Variants in PTCHD4 observed in about 807,000 individuals in gnomAD.
PTCHD4 encodes the protein patched domain-containing protein 4.
In PTCHD4, 33 loss-of-function variants were observed where a neutral mutation model predicts 58.1. That is an observed-to-expected ratio of 0.57 (90% confidence interval 0.43 to 0.76). PTCHD4 has a LOEUF of 0.76. Ranked by LOEUF, PTCHD4 falls within the 30% of genes least tolerant of loss-of-function variation. The pLI, the probability that PTCHD4 is intolerant of heterozygous loss-of-function variation, is 0.00. For missense variants in PTCHD4, 1,058 were observed against 1,027.1 expected (o/e 1.03, Z -0.41); for synonymous variants, 478 against 409.6 (o/e 1.17, Z -2.02).
At chr6:47,880,385 T>TGCTG (rs1270380074) in intron 4 of PTCHD4, among the ~76,000 whole-genome samples, 4 of 152,158 alleles carry the variant, frequency 2.6e-5, no homozygotes, top group African/African-American at 9.7e-5. Flanking sequence ...CTGATTTATA[T>TGCTG]GCTGATTTAG....
chr6:48,044,601 G>A (rs1763968202), intron 3 of PTCHD4, among the ~76,000 whole-genome samples: 1 of 151,898 alleles, frequency 6.6e-6, no homozygotes, highest in Admixed American at 6.6e-5. Context: ...GCCCTTGCCA[G>A]TTTTTCTTTT....
chr6:47,881,832 T>C (rs986681826), intron 4 of PTCHD4, among the ~76,000 whole-genome samples: 2 of 152,148 alleles, frequency 1.3e-5, no homozygotes, highest in Non-Finnish European at 2.9e-5. Flanking sequence ...GTAAAGCCTA[T>C]TTATTCTTCA....
chr6:48,002,523 A>G (rs1397631319), intron 4 of PTCHD4, among the ~76,000 whole-genome samples: 2 of 149,856 alleles, frequency 1.3e-5, no homozygotes, highest in African/African-American at 2.5e-5. Context: ...AAAACCATAC[A>G]CCGCATGTTC....
In PTCHD4 at chr6:47,928,942, C is replaced by T. The variant is rs186681161; in HGVS notation, c.899-49006G>A. Among the ~76,000 whole-genome samples, 18 of 152,274 alleles carry T rather than the reference C, an allele frequency of 1.2e-4. No homozygotes were observed. In the East Asian group the frequency reaches 3.3e-3, roughly 28 times the overall value. On this transcript the variant is annotated intron_variant, in intron 4 of 4. Transcript: ENST00000339488. Reference sequence around the variant, plus strand: ...ATTATAAGCAATCATGGATTTTCCACATTAGAGTGGAAATTTCTAATCTAA... The same window carrying T: ...ATTATAAGCAATCATGGATTTTCCATATTAGAGTGGAAATTTCTAATCTAA...
intron 4 of PTCHD4, among the ~76,000 whole-genome samples, chr6:47,952,533 G>T (rs1007445143): frequency 2.6e-5 from 4 of 152,074 alleles, no homozygotes; most frequent in Non-Finnish European, 5.9e-5. Context: ...ATACAATCAT[G>T]TGCTGCATAA....
Position 47,875,031 on chromosome 6 carries a change from C to T in PTCHD4, c.*3272G>A, listed in dbSNP as rs998078280. On this transcript the variant is annotated 3_prime_UTR_variant, in exon 5 of 5. Coordinates refer to ENST00000339488, the MANE Select transcript of PTCHD4 (RefSeq NM_001384253.1). ...GCACTTTCCAATTCAAATTTAAATTCTGATGGAAGGAAATAAATCCACATT... is the reference window on the plus strand; with the variant it reads ...GCACTTTCCAATTCAAATTTAAATTTTGATGGAAGGAAATAAATCCACATT... 1.3e-5 allele frequency among the ~76,000 whole-genome samples: 2 copies of T among 151,726 alleles called. No homozygotes were observed. The highest frequency in any genetic ancestry group is 4.8e-5 in the African/African-American group (2 of 41,338).
Position 47,879,617 on chromosome 6 carries a change from G to T in PTCHD4, c.1218C>A (p.Ile406=). Reference sequence around the variant, plus strand: ...TGCGATCCAGGTATTCTGCAGAAGGGATCTTACAGCAAAAGATGCTGTGGT... The same window carrying T: ...TGCGATCCAGGTATTCTGCAGAAGGTATCTTACAGCAAAAGATGCTGTGGT... The part of the protein sequence containing the change: ...NRYHSIFCCK[I]PSAEYLDRKP... Residue 406 remains isoleucine (I), a synonymous_variant, in exon 5 of 5, where the codon ATC becomes ATA. Coordinates refer to ENST00000339488, the MANE Select transcript of PTCHD4 (RefSeq NM_001384253.1). 2 of 1,613,676 alleles carry T rather than the reference G, an allele frequency of 1.2e-6. No individual in the cohort carries two copies. Among genetic ancestry groups the T allele is most frequent in the East Asian group, 2.2e-5 (1 of 44,858 alleles).
In PTCHD4 at chr6:47,940,662, G is replaced by A. The variant is rs545842387; in HGVS notation, c.899-60726C>T. ...GACATTTCCCTTCACCACTTACTGT[G>A]CTTATTTATGTAAGAAACAGCACTT... is the stretch of plus-strand genomic sequence containing the variant. On this transcript the variant is annotated intron_variant, in intron 4 of 4. Coordinates refer to ENST00000339488, the MANE Select transcript of PTCHD4 (RefSeq NM_001384253.1). 4.6e-5 allele frequency among the ~76,000 whole-genome samples: 7 copies of A among 152,248 alleles called. No homozygotes were observed. The East Asian group carries it at 1.2e-3, about 25-fold the overall frequency.
At chr6:48,086,868 T>C (rs1765275696) in intron 1 of PTCHD4, among the ~76,000 whole-genome samples, 1 of 152,220 alleles carries the variant, frequency 6.6e-6, no homozygotes. Context: ...TTAATATCTG[T>C]CCTACCACTT....
At chr6:47,895,350 A>C (rs1022596225) in intron 4 of PTCHD4, among the ~76,000 whole-genome samples, 1 of 152,170 alleles carries the variant, frequency 6.6e-6, no homozygotes. Flanking sequence ...ACAGGTCCAC[A>C]TTGTTTCTTT....
In PTCHD4 at chr6:48,008,768, A is replaced by C. The variant is rs777377846; in HGVS notation, c.764T>G (p.Leu255Trp). The C allele has an allele frequency of 1.3e-5, 21 of 1,613,838 alleles. No homozygotes were observed. Among genetic ancestry groups the C allele is most frequent in the Admixed American group, 3.3e-5 (2 of 59,966 alleles). The change falls in exon 4 of 5, where the codon TTG (leucine) becomes TGG (tryptophan). Residue 255 changes from leucine (L) to tryptophan (W), a missense_variant. Coordinates refer to ENST00000339488, the MANE Select transcript of PTCHD4 (RefSeq NM_001384253.1). ...ATLSSSMKDC[L>W]RSKPFLGLLG... Reference sequence around the variant, plus strand: ...GAGGCCCAGGAAGGGCTTACTGCGCAAGCAGTCCTTCATGGAGCTGGAGAG... The same window carrying C: ...GAGGCCCAGGAAGGGCTTACTGCGCCAGCAGTCCTTCATGGAGCTGGAGAG...
In PTCHD4 at chr6:48,107,353, G is replaced by T. The variant is rs1051563226; in HGVS notation, c.-970+3696C>A. Among the ~76,000 whole-genome samples, 93 of 152,280 alleles carry T rather than the reference G, an allele frequency of 6.1e-4. 2 individuals are homozygous for T. Among genetic ancestry groups the T allele is most frequent in the African/African-American group, 2.2e-3 (90 of 41,558 alleles). ...CTGACAAAAACAAGCAATGGGGAAA[G>T]GATTCCCTATTTAATAAATGCTGCT... On this transcript the variant is annotated intron_variant, in intron 1 of 4. Coordinates refer to ENST00000339488, the MANE Select transcript of PTCHD4 (RefSeq NM_001384253.1).
Position 47,859,923 on chromosome 6 carries a change from G to C in PTCHD4, c.*18380C>G, listed in dbSNP as rs113930457. On this transcript the variant is annotated 3_prime_UTR_variant, in exon 5 of 5. Transcript: ENST00000339488. ...CATGGTTGATGCAGAGAGAACAAAGGGGGCAGTGGCTGGAGAAGTGGTCAG... is the reference window on the plus strand; with the variant it reads ...CATGGTTGATGCAGAGAGAACAAAGCGGGCAGTGGCTGGAGAAGTGGTCAG... 1.8e-4 allele frequency among the ~76,000 whole-genome samples: 27 copies of C among 152,086 alleles called. No individual in the cohort carries two copies. Among genetic ancestry groups the C allele is most frequent in the African/African-American group, 5.8e-4 (24 of 41,526 alleles).
chr6:48,097,320 G>C (rs1765494513), intron 1 of PTCHD4, among the ~76,000 whole-genome samples: 1 of 152,034 alleles, frequency 6.6e-6, no homozygotes, highest in Admixed American at 6.6e-5. Flanking sequence ...CAGATATAAT[G>C]CTTAACAGTT....
chr6:47,904,898 A>T (rs1447289024), intron 4 of PTCHD4, among the ~76,000 whole-genome samples: 2 of 152,214 alleles, frequency 1.3e-5, no homozygotes, highest in African/African-American at 4.8e-5. Flanking sequence ...AACAATTTAC[A>T]TTAGATGAGG....
At chr6:48,011,271 C>G (rs556917157) in intron 3 of PTCHD4, among the ~76,000 whole-genome samples, 1 of 152,308 alleles carries the variant, frequency 6.6e-6, no homozygotes, top group African/African-American at 2.4e-5. Flanking sequence ...GATTACCACT[C>G]TAACTGGCAT....
At chr6:47,947,154 G>A (rs1766454540) in intron 4 of PTCHD4, among the ~76,000 whole-genome samples, 1 of 151,892 alleles carries the variant, frequency 6.6e-6, no homozygotes, top group African/African-American at 2.4e-5. Context: ...TATTTTTAAT[G>A]GGTACTCTAG....
At position 47,867,659 on chromosome 6, in the gene PTCHD4, T is replaced by C. The variant is rs1206441902; in HGVS notation, c.*10644A>G. The stretch of plus-strand genomic sequence containing the variant: ...TGGACAACCTGCTTTCCTGCCCTTG[T>C]ATATTTCACTTTTTCTCCCTGACTG... On this transcript the variant is annotated 3_prime_UTR_variant, in exon 5 of 5. Coordinates refer to ENST00000339488, the MANE Select transcript of PTCHD4 (RefSeq NM_001384253.1). Among the ~76,000 whole-genome samples the C allele has an allele frequency of 1.3e-5, 2 of 151,722 alleles. No homozygotes were observed. Among genetic ancestry groups the C allele is most frequent in the Non-Finnish European group, 2.9e-5 (2 of 67,802 alleles).
intron 3 of PTCHD4, among the ~76,000 whole-genome samples, chr6:48,023,052 A>G (rs1763120821): frequency 3.9e-5 from 6 of 152,190 alleles, no homozygotes; most frequent in Admixed American, 2.6e-4. Context: ...AAGCAAGGAA[A>G]TAAGTCAGCA....
Sources: allele counts gnomAD v4.1 joint callset (sites outside exome capture counted in the v4.1 genomes callset), GRCh38; gene constraint gnomAD v4.1.1; transcripts MANE v1.5; gene names NCBI Gene and HGNC (gene_info 2026-07-23, HGNC 2026-07-21).